Variants in BRCA1 observed in about 807,000 individuals in gnomAD.
BRCA1 encodes the protein BRCA1 DNA repair associated, also known as breast cancer type 1 susceptibility protein.
In BRCA1, 140 loss-of-function variants were observed where a neutral mutation model predicts 173.7. The observed-to-expected ratio is 0.81, with a 90% confidence interval of 0.70 to 0.93. The LOEUF (loss-of-function observed/expected upper bound fraction) is 0.93. Ranked by LOEUF, BRCA1 falls within the 40% of genes least tolerant of loss-of-function variation. The pLI, the probability that BRCA1 is intolerant of heterozygous loss-of-function variation, is 0.00. For synonymous variants in BRCA1, 662 were observed against 756.0 expected (o/e 0.88, Z 2.04); for missense variants, 1,983 against 2,172.5 (o/e 0.91, Z 1.73).
Position 43,124,124 on chromosome 17 carries a change from C to G in BRCA1, c.-19-9G>C, listed in dbSNP as rs776177740. On this transcript the variant is annotated splice_polypyrimidine_tract_variant and intron_variant, in intron 1 of 22. Coordinates refer to ENST00000357654, the MANE Select transcript of BRCA1 (RefSeq NM_007294.4). Reference sequence around the variant, plus strand: ...CTTTCTGTTCCAATGAACTTTAACACATTAGAAAAACATATATATATATCT... The same window carrying G: ...CTTTCTGTTCCAATGAACTTTAACAGATTAGAAAAACATATATATATATCT... The G allele has an allele frequency of 4.7e-6, 7 of 1,491,086 alleles. No homozygotes were observed. In the South Asian group the frequency reaches 7.9e-5, roughly 17 times the overall value. The allele number at this position is 1,491,086 out of a possible 1,614,324, so 92.4% of individuals were successfully genotyped here. A position where few individuals can be genotyped will look rare whatever the true frequency, so the allele number is the denominator to read the frequency against.
chr17:43,126,920 GC>G, upstream of BRCA1, among the ~76,000 whole-genome samples: 11 of 152,218 alleles, frequency 7.2e-5, 3 homozygotes, highest in Admixed American at 7.2e-4. Context: ...GGCTCAGCGG[GC>G]CCCGCACCCC....
intron 1 of BRCA1, chr17:43,159,754 CTTGT>C (rs2056223308): frequency 6.1e-6 from 1 of 165,222 alleles, no homozygotes; most frequent in Non-Finnish European, 1.3e-5. Flanking sequence ...CCTTTGTTCA[CTTGT>C]TTATCTGCTG....
At chr17:43,074,248 A>G in intron 14 of BRCA1, 83 bp downstream of exon 14, 1 of 1,464,074 alleles carries the variant, frequency 6.8e-7, no homozygotes, top group Non-Finnish European at 9.5e-7. Context: ...AGTACATCTA[A>G]AAGTTGGTTA....
At chr17:43,088,144 T>C (rs1362131648) in intron 11 of BRCA1, among the ~76,000 whole-genome samples, 1 of 152,228 alleles carries the variant, frequency 6.6e-6, no homozygotes, top group African/African-American at 2.4e-5. Context: ...TTGCTAACCA[T>C]TTCTGGATAA....
chr17:43,064,499 G>A (rs1409947858), intron 16 of BRCA1, among the ~76,000 whole-genome samples: 1 of 152,194 alleles, frequency 6.6e-6, no homozygotes, highest in Non-Finnish European at 1.5e-5. Flanking sequence ...ATTTCAGAAA[G>A]CAGTAGCTAA....
At chr17:43,125,221 A>AC in intron 1 of BRCA1, 50 bp downstream of exon 1, 2 of 454,972 alleles carry the variant, frequency 4.4e-6, no homozygotes. Flanking sequence ...CCACGCCAGT[A>AC]CCCCAGAGCA....
intron 2 of BRCA1, among the ~76,000 whole-genome samples, chr17:43,118,375 T>C (rs1401265635): frequency 1.3e-5 from 2 of 152,136 alleles, no homozygotes; most frequent in African/African-American, 2.4e-5. Context: ...TCTGGTCTTT[T>C]TAATTTTCTT....
At chr17:43,075,707 C>T (rs1006551628) in intron 13 of BRCA1, among the ~76,000 whole-genome samples, 4 of 152,074 alleles carry the variant, frequency 2.6e-5, no homozygotes, top group African/African-American at 9.7e-5. Context: ...GGATTACAGG[C>T]ACCTGCCACC....
rs1800064 is a variant in BRCA1 at position 43,093,665 on chromosome 17, C to T, written c.1866G>A (p.Ala622=). 20 of 1,613,932 alleles carry T rather than the reference C, an allele frequency of 1.2e-5. No homozygotes were observed. Among genetic ancestry groups the T allele is most frequent in the East Asian group, 4.5e-5 (2 of 44,888 alleles). The change falls in exon 10 of 23, where the codon GCG becomes GCA. Residue 622 remains alanine (A), a synonymous_variant. Coordinates refer to ENST00000357654, the MANE Select transcript of BRCA1 (RefSeq NM_007294.4). ...GATTTCTACTGACTACTAGTTCAAG[C>T]GCATGAATATGCCTGGTAGAAGACT... is the stretch of plus-strand genomic sequence containing the variant. ...RRKSSTRHIH[A]LELVVSRNLS...
intron 12 of BRCA1, among the ~76,000 whole-genome samples, chr17:43,077,117 G>T (rs1199238643): frequency 6.6e-6 from 1 of 151,654 alleles, no homozygotes; most frequent in Non-Finnish European, 1.5e-5. Flanking sequence ...ATGAGTGTCA[G>T]ACATGAAAGA....
In BRCA1 at chr17:43,092,274, A is replaced by G. The variant is rs80357006; in HGVS notation, c.3257T>C (p.Leu1086Ser). ...RGPKLNAMLRLGVLQPEVYKQ... is the reference protein window; with the variant it reads ...RGPKLNAMLRSGVLQPEVYKQ... ...ATAGACCTCAGGTTGCAAAACCCCTAATCTAAGCATAGCATTCAATTTTGG... is the reference window on the plus strand; with the variant it reads ...ATAGACCTCAGGTTGCAAAACCCCTGATCTAAGCATAGCATTCAATTTTGG... The change falls in exon 10 of 23, where the codon TTA (leucine) becomes TCA (serine). Residue 1086 changes from leucine to serine, a missense_variant. Transcript: ENST00000357654. 7 of 1,613,812 alleles carry G rather than the reference A, an allele frequency of 4.3e-6. No individual in the cohort carries two copies. The highest frequency in any genetic ancestry group is 1.7e-6 in the Non-Finnish European group (2 of 1,179,996).
chr17:43,113,208 A>G (rs901807541), intron 3 of BRCA1, among the ~76,000 whole-genome samples: 2 of 151,770 alleles, frequency 1.3e-5, no homozygotes, highest in Non-Finnish European at 2.9e-5. Context: ...GTAATAATCA[A>G]CTCTTTCTTA....
rs80357256 is a variant in BRCA1, at chr17:43,092,742, G to A, written c.2789C>T (p.Pro930Leu). 4 of 1,614,100 alleles carry A rather than the reference G, an allele frequency of 2.5e-6. No individual in the cohort carries two copies. The highest frequency in any genetic ancestry group is 1.3e-5 in the African/African-American group (1 of 75,058). The stretch of plus-strand genomic sequence containing the variant: ...TGGCTTATCTTTCTGACCAACCACA[G>A]GAAAGCCTGCAGTGATATTAACTGT... ...VQTVNITAGF[P>L]VVGQKDKPVD... Residue 930 changes from proline (P) to leucine (L), a missense_variant, in exon 10 of 23, where the codon CCT becomes CTT. Coordinates refer to ENST00000357654, the MANE Select transcript of BRCA1 (RefSeq NM_007294.4).
At position 43,067,748 on chromosome 17, in the gene BRCA1, C is replaced by T. The variant is rs2153723422; in HGVS notation, c.4987-53G>A. Reference sequence around the variant, plus strand: ...CATGAGTTACCTCTAGCACACAGCTCAGAATACTAGTTATTCCACCATGGC... The same window carrying T: ...CATGAGTTACCTCTAGCACACAGCTTAGAATACTAGTTATTCCACCATGGC... On this transcript the variant is annotated intron_variant, in intron 15 of 22. Coordinates refer to ENST00000357654, the MANE Select transcript of BRCA1 (RefSeq NM_007294.4). 18 of 1,388,532 alleles carry T rather than the reference C, an allele frequency of 1.3e-5. No homozygotes were observed. Among genetic ancestry groups the T allele is most frequent in the Non-Finnish European group, 1.8e-5 (18 of 978,932 alleles). The allele number at this position is 1,388,532 out of a possible 1,614,324, so 86.0% of individuals were successfully genotyped here.
At chr17:43,153,473 A>T (rs2056176298) in intron 1 of BRCA1, 1 of 152,236 alleles carries the variant, frequency 6.6e-6, no homozygotes, top group Admixed American at 6.5e-5. Context: ...AAAAGTAAAA[A>T]ATGATGTAAT....
At position 43,123,349 on chromosome 17, in the gene BRCA1, G is replaced by GTTT. The variant is rs149379936; in HGVS notation, c.80+665_80+667dup. 2.6e-3 allele frequency among the ~76,000 whole-genome samples: 222 copies of GTTT among 85,124 alleles called. 2 individuals carry two copies. Among genetic ancestry groups the GTTT allele is most frequent in the African/African-American group, 3.7e-3 (64 of 17,096 alleles). 55.8% of individuals were successfully genotyped at this position (85,124 alleles called of 152,430 possible). A position where few individuals can be genotyped will look rare whatever the true frequency, so the allele number is the denominator to read the frequency against. ...CCTCTCAACGACACCGATCATCCATGTTTTTTTTTTTTTTTTTTTTTTTTT... is the reference window on the plus strand; with the variant it reads ...CCTCTCAACGACACCGATCATCCATGTTTTTTTTTTTTTTTTTTTTTTTTTTTT... On this transcript the variant is annotated intron_variant, in intron 2 of 22. Transcript: ENST00000357654.
At chr17:43,137,397 G>A (rs2056035242) in intron 1 of BRCA1, among the ~76,000 whole-genome samples, 1 of 151,024 alleles carries the variant, frequency 6.6e-6, no homozygotes, top group African/African-American at 2.4e-5. Flanking sequence ...TGCACGTTGT[G>A]CACATGTACC....
At chr17:43,121,266 T>TA (rs2055554756) in intron 2 of BRCA1, among the ~76,000 whole-genome samples, 1 of 150,182 alleles carries the variant, frequency 6.7e-6, no homozygotes, top group African/African-American at 2.5e-5. Context: ...TCCCAGCTAC[T>TA]CGGGAGGCTG....
At chr17:43,138,750 G>A in intron 1 of BRCA1, 1 of 779,140 alleles carries the variant, frequency 1.3e-6, no homozygotes, top group African/African-American at 1.7e-5. Context: ...ATGTGGAAAG[G>A]AGGTAGAAGT....
Sources: gnomAD v4.1 joint callset for allele counts (sites outside exome capture counted in the v4.1 genomes callset) on GRCh38, gnomAD v4.1.1 for gene constraint, MANE v1.5 for transcripts, NCBI Gene and HGNC (gene_info 2026-07-23, HGNC 2026-07-21) for gene names.